Variants in SLC7A14 observed in about 807,000 individuals in gnomAD.
The protein encoded by SLC7A14 is gamma-aminobutyric acid transporter SLC7A14.
In SLC7A14, 37 loss-of-function variants were observed where a neutral mutation model predicts 60.2. That is an observed-to-expected ratio of 0.61 (90% confidence interval 0.47 to 0.81). SLC7A14 has a LOEUF of 0.81. Among genes scored for constraint, SLC7A14 ranks in the 30% least tolerant of loss-of-function variants. SLC7A14 has a pLI of 0.00. For missense variants in SLC7A14, 886 were observed against 982.7 expected, an observed-to-expected ratio of 0.90 and a Z score of 1.32; for synonymous variants, 399 against 395.8, an observed-to-expected ratio of 1.01 and a Z score of -0.10.
At chr3:170,521,101 A>C (rs1189762568) in intron 2 of SLC7A14, among the ~76,000 whole-genome samples, 1 of 152,224 alleles carries the variant, frequency 6.6e-6, no homozygotes, top group African/African-American at 2.4e-5. Flanking sequence ...TGAAGAGTAG[A>C]TAAGACCTTT....
intron 1 of SLC7A14, among the ~76,000 whole-genome samples, chr3:170,575,096 C>T (rs1004302881): frequency 6.6e-6 from 1 of 152,062 alleles, no homozygotes; most frequent in Non-Finnish European, 1.5e-5. Context: ...AATTTAAGAC[C>T]ATAAGCCTGG....
Position 170,483,400 on chromosome 3 carries a change from A to G in SLC7A14, c.1029T>C (p.Val343=), listed in dbSNP as rs1270430726. Residue 343 remains valine, a synonymous_variant, in exon 6 of 8, where the codon GTT becomes GTC. Transcript: ENST00000231706. The part of the protein sequence containing the change: ...AAKFVVAIGS[V]AGLTVSLLGS... ...CCAGCAAGCTGACTGTCAGTCCTGCAACCGACCCAATGGCCACTACGAATT... is the reference window on the plus strand; with the variant it reads ...CCAGCAAGCTGACTGTCAGTCCTGCGACCGACCCAATGGCCACTACGAATT... 4 of 1,614,120 alleles carry G rather than the reference A, an allele frequency of 2.5e-6. No homozygotes were observed. The highest frequency in any genetic ancestry group is 1.3e-5 in the African/African-American group (1 of 74,938).
intron 1 of SLC7A14, among the ~76,000 whole-genome samples, chr3:170,571,930 G>T (rs1026579872): frequency 2.0e-5 from 3 of 151,868 alleles, no homozygotes; most frequent in Admixed American, 2.0e-4. Flanking sequence ...GCATGGTGGT[G>T]CACGCCTGTA....
chr3:170,562,903 G>C (rs1168227245), intron 1 of SLC7A14, among the ~76,000 whole-genome samples: 1 of 151,992 alleles, frequency 6.6e-6, no homozygotes, highest in East Asian at 1.9e-4. Flanking sequence ...TGGGATTACA[G>C]GTGCACACTA....
chr3:170,529,737 A>G (rs575282386), intron 1 of SLC7A14, among the ~76,000 whole-genome samples: 4 of 152,350 alleles, frequency 2.6e-5, no homozygotes, highest in African/African-American at 9.6e-5. Context: ...ATATCATTAT[A>G]GATGAAATTA....
At chr3:170,485,438 C>A (rs1711996380) in intron 5 of SLC7A14, among the ~76,000 whole-genome samples, 1 of 152,158 alleles carries the variant, frequency 6.6e-6, no homozygotes, top group South Asian at 2.1e-4. Flanking sequence ...GTGAGTGCGC[C>A]CCTCAGGACC....
chr3:170,501,447 C>T (rs977447415), intron 2 of SLC7A14, 102 bp from the exon 3 acceptor site: 2 of 933,680 alleles, frequency 2.1e-6, no homozygotes, highest in Non-Finnish European at 3.4e-6. Flanking sequence ...TCTAGGATCT[C>T]AGAACAAATA....
At chr3:170,495,079 C>T (rs764342566) in intron 4 of SLC7A14, among the ~76,000 whole-genome samples, 64 of 152,298 alleles carry the variant, frequency 4.2e-4, no homozygotes, top group Middle Eastern at 3.4e-3. Flanking sequence ...TCATGGAATA[C>T]GATGCCAGGA....
At chr3:170,526,176 T>G (rs1577537235) in intron 2 of SLC7A14, among the ~76,000 whole-genome samples, 1 of 150,488 alleles carries the variant, frequency 6.6e-6, no homozygotes, top group African/African-American at 2.4e-5. Context: ...CCGAGGCAGG[T>G]GGATTAGTTG....
At chr3:170,469,934 C>T (rs999749454) in intron 7 of SLC7A14, among the ~76,000 whole-genome samples, 1 of 152,072 alleles carries the variant, frequency 6.6e-6, no homozygotes, top group Non-Finnish European at 1.5e-5. Context: ...ACTGGTTTGT[C>T]GATTCCAACA....
intron 1 of SLC7A14, among the ~76,000 whole-genome samples, chr3:170,536,355 C>T (rs2108298066): frequency 6.6e-6 from 1 of 152,218 alleles, no homozygotes; most frequent in African/African-American, 2.4e-5. Flanking sequence ...GAAGAGTGAA[C>T]CATAAAAGTT....
intron 1 of SLC7A14, among the ~76,000 whole-genome samples, chr3:170,584,106 G>A (rs183884775): frequency 6.1e-4 from 93 of 152,300 alleles, no homozygotes; most frequent in African/African-American, 2.1e-3. Flanking sequence ...CTATTGTGAA[G>A]TTTAAATGAA....
intron 1 of SLC7A14, among the ~76,000 whole-genome samples, chr3:170,529,100 T>G (rs1458659382): frequency 1.3e-5 from 2 of 152,234 alleles, no homozygotes. Flanking sequence ...ATTATTTCTC[T>G]TTTTACACAA....
intron 1 of SLC7A14, among the ~76,000 whole-genome samples, chr3:170,566,811 T>TA (rs113503595): frequency 1.1e-3 from 153 of 140,900 alleles, no homozygotes; most frequent in Non-Finnish European, 1.4e-3. Context: ...ATAGTTCAGT[T>TA]AAAAAAAAAA....
At chr3:170,499,941 A>G (rs1712549432) in intron 3 of SLC7A14, among the ~76,000 whole-genome samples, 1 of 152,212 alleles carries the variant, frequency 6.6e-6, no homozygotes, top group Non-Finnish European at 1.5e-5. Context: ...CTATGCAATC[A>G]GTACACAGAA....
At chr3:170,557,155 C>G (rs1184789717) in intron 1 of SLC7A14, among the ~76,000 whole-genome samples, 1 of 152,070 alleles carries the variant, frequency 6.6e-6, no homozygotes, top group Non-Finnish European at 1.5e-5. Flanking sequence ...AGCTTCCTGC[C>G]TTATTGATTT....
At chr3:170,554,237 A>G (rs1457658255) in intron 1 of SLC7A14, among the ~76,000 whole-genome samples, 1 of 152,206 alleles carries the variant, frequency 6.6e-6, no homozygotes, top group Admixed American at 6.5e-5. Flanking sequence ...GAGTGATTAG[A>G]GTATTGATAC....
At position 170,486,219 on chromosome 3, in the gene SLC7A14, TACAG is replaced by T; in HGVS notation, c.905_906+2del. ...GAGGGTCCCGCAAGCATCTGGTACT[TACAG>T]ACACATATGCTGTCAGGCAGATGAC... On this transcript the variant is annotated splice_donor_variant and coding_sequence_variant, in exon 5 of 8. Coordinates refer to ENST00000231706, the MANE Select transcript of SLC7A14 (RefSeq NM_020949.3). LOFTEE classifies it high-confidence loss of function. The T allele has an allele frequency of 6.2e-7, 1 of 1,614,078 alleles. No homozygotes were observed. The highest frequency in any genetic ancestry group is 8.5e-7 in the Non-Finnish European group (1 of 1,180,010).
intron 1 of SLC7A14, among the ~76,000 whole-genome samples, chr3:170,573,571 G>C (rs1443613225): frequency 6.6e-6 from 1 of 152,220 alleles, no homozygotes; most frequent in East Asian, 1.9e-4. Context: ...TAGGCTATGA[G>C]TTGAGTATTA....
Sources: allele counts gnomAD v4.1 joint callset (sites outside exome capture counted in the v4.1 genomes callset), GRCh38; gene constraint gnomAD v4.1.1; transcripts MANE v1.5; gene names NCBI Gene and HGNC (gene_info 2026-07-23, HGNC 2026-07-21).